PDZRN4: variants seen among roughly 807,000 people sequenced by gnomAD.
PDZRN4 encodes PDZ domain-containing RING finger protein 4.
A neutral mutation model predicts 99.0 loss-of-function variants in PDZRN4; 70 were observed. That is an observed-to-expected ratio of 0.71 (90% confidence interval 0.58 to 0.86). The LOEUF is 0.86. Among genes scored for constraint, PDZRN4 ranks in the 40% least tolerant of loss-of-function variants. PDZRN4 has a pLI of 0.00. For synonymous variants in PDZRN4, 551 were observed against 501.6 expected, an observed-to-expected ratio of 1.10 and a Z score of -1.32; for missense variants, 1,474 against 1,331.2, an observed-to-expected ratio of 1.11 and a Z score of -1.67.
intron 3 of PDZRN4, among the ~76,000 whole-genome samples, chr12:41,214,687 T>C: frequency 6.6e-6 from 1 of 151,996 alleles, no homozygotes; most frequent in Non-Finnish European, 1.5e-5. Context: ...AAAGCCATTA[T>C]AAATGACTTT....
intron 3 of PDZRN4, among the ~76,000 whole-genome samples, chr12:41,216,231 A>G (rs1369396973): frequency 6.6e-6 from 1 of 152,024 alleles, no homozygotes; most frequent in Non-Finnish European, 1.5e-5. Context: ...AGTAATCTAA[A>G]TGTTCTTGAT....
chr12:41,201,901 G>A (rs1452997110), intron 3 of PDZRN4, among the ~76,000 whole-genome samples: 3 of 152,112 alleles, frequency 2.0e-5, no homozygotes, highest in African/African-American at 7.2e-5. Context: ...TTCTGTTCAT[G>A]TAAATGCTTG....
chr12:41,461,107 A>C (rs1222563858), intron 3 of PDZRN4, among the ~76,000 whole-genome samples: 1 of 152,170 alleles, frequency 6.6e-6, no homozygotes, highest in Non-Finnish European at 1.5e-5. Context: ...TCATTTGACA[A>C]GTACTGCAGG....
chr12:41,546,629 A>T (rs1379400878), intron 5 of PDZRN4, among the ~76,000 whole-genome samples: 2 of 152,096 alleles, frequency 1.3e-5, no homozygotes, highest in African/African-American at 4.8e-5. Context: ...TTAACTTTTT[A>T]AAAATAAAGG....
intron 3 of PDZRN4, among the ~76,000 whole-genome samples, chr12:41,312,790 T>C (rs755993141): frequency 6.6e-6 from 1 of 152,062 alleles, no homozygotes; most frequent in Non-Finnish European, 1.5e-5. Context: ...CAATTCAAGG[T>C]GAGATTTGAG....
chr12:41,234,637 T>C (rs1951053203), intron 3 of PDZRN4, among the ~76,000 whole-genome samples: 1 of 152,134 alleles, frequency 6.6e-6, no homozygotes, highest in Admixed American at 6.6e-5. Flanking sequence ...TAAATGTACA[T>C]ATTAGTCATG....
intron 5 of PDZRN4, among the ~76,000 whole-genome samples, chr12:41,549,164 G>T (rs976991036): frequency 2.6e-5 from 4 of 152,234 alleles, no homozygotes; most frequent in African/African-American, 9.6e-5. Context: ...TTGTCTCCAT[G>T]GAGAAAATGT....
At chr12:41,209,976 G>A (rs1430083079) in intron 3 of PDZRN4, among the ~76,000 whole-genome samples, 1 of 151,266 alleles carries the variant, frequency 6.6e-6, no homozygotes, top group Non-Finnish European at 1.5e-5. Flanking sequence ...GTGTAAAAGT[G>A]TTCCTATTTC....
intron 5 of PDZRN4, among the ~76,000 whole-genome samples, chr12:41,515,513 A>T (rs1260240574): frequency 6.6e-6 from 1 of 151,894 alleles, no homozygotes; most frequent in East Asian, 1.9e-4. Context: ...AAGTGTGAAA[A>T]TTTTTTATTA....
intron 3 of PDZRN4, among the ~76,000 whole-genome samples, chr12:41,260,858 C>A (rs1028199385): frequency 6.6e-6 from 1 of 152,060 alleles, no homozygotes; most frequent in Admixed American, 6.6e-5. Context: ...CTTGAAATAT[C>A]CCTGACAGAA....
At chr12:41,566,962 G>A (rs936933160) in intron 8 of PDZRN4, among the ~76,000 whole-genome samples, 3 of 152,050 alleles carry the variant, frequency 2.0e-5, no homozygotes, top group African/African-American at 7.2e-5. Context: ...GATCATATTA[G>A]CCAGGTAACC....
chr12:41,345,152 T>C (rs1450800726), intron 3 of PDZRN4, among the ~76,000 whole-genome samples: 1 of 152,206 alleles, frequency 6.6e-6, no homozygotes, highest in African/African-American at 2.4e-5. Context: ...AAATTCCATT[T>C]GGGTTATTAT....
intron 3 of PDZRN4, among the ~76,000 whole-genome samples, chr12:41,343,814 C>CAT (rs34873280): frequency 0.022 from 3,389 of 151,394 alleles, 70 homozygotes; most frequent in South Asian, 0.054. Flanking sequence ...CATTATACAA[C>CAT]ATATATATAT....
chr12:41,309,081 C>T (rs1291947794), intron 3 of PDZRN4, among the ~76,000 whole-genome samples: 1 of 152,032 alleles, frequency 6.6e-6, no homozygotes, highest in Non-Finnish European at 1.5e-5. Context: ...CCCTCAAAAA[C>T]AATACTATAA....
intron 3 of PDZRN4, among the ~76,000 whole-genome samples, chr12:41,357,585 T>C (rs1438372113): frequency 6.6e-6 from 1 of 152,026 alleles, no homozygotes; most frequent in Non-Finnish European, 1.5e-5. Flanking sequence ...TTTCTCCTTA[T>C]AAGTTGATCT....
chr12:41,294,446 T>G (rs185110282), intron 3 of PDZRN4, among the ~76,000 whole-genome samples: 17 of 152,298 alleles, frequency 1.1e-4, no homozygotes, highest in Non-Finnish European at 1.9e-4. Context: ...CAAGGTTGAT[T>G]TCAATGGATA....
At chr12:41,414,609 TA>T (rs1952428407) in intron 3 of PDZRN4, among the ~76,000 whole-genome samples, 1 of 151,978 alleles carries the variant, frequency 6.6e-6, no homozygotes, top group Non-Finnish European at 1.5e-5. Context: ...TGTCTTCCAA[TA>T]AATAATGTAC....
At chr12:41,336,558 C>T (rs1157406429) in intron 3 of PDZRN4, among the ~76,000 whole-genome samples, 2 of 152,142 alleles carry the variant, frequency 1.3e-5, no homozygotes, top group African/African-American at 4.8e-5. Context: ...AGTGGGTTCA[C>T]CTTGCCTGCT....
intron 8 of PDZRN4, among the ~76,000 whole-genome samples, chr12:41,566,499 T>C (rs899558666): frequency 6.6e-6 from 1 of 152,172 alleles, no homozygotes; most frequent in Non-Finnish European, 1.5e-5. Flanking sequence ...GTCACAGGAA[T>C]TTGATCAAAT....
Sources: gnomAD v4.1 joint callset for allele counts (sites outside exome capture counted in the v4.1 genomes callset) on GRCh38, gnomAD v4.1.1 for gene constraint, MANE v1.5 for transcripts, NCBI Gene and HGNC (gene_info 2026-07-23, HGNC 2026-07-21) for gene names.